The following KLRG1 variants were observed in gnomAD, a reference collection of about 807,000 sequenced individuals.
The protein encoded by KLRG1 is killer cell lectin like receptor G1.
Under a neutral mutation model 21.8 loss-of-function variants are expected in KLRG1, and 16 were observed. The observed-to-expected ratio is 0.73, with a 90% CI of 0.50 to 1.11. The LOEUF (loss-of-function observed/expected upper bound fraction) is 1.11, where lower values mean the gene tolerates loss of function less well. KLRG1 is among the 50% of genes most tolerant of loss of function. The pLI is 0.00. For synonymous variants in KLRG1, 69 were observed against 75.9 expected (o/e 0.91, Z 0.47); for missense variants, 173 against 218.3 (o/e 0.79, Z 1.31).
At chr12:8,950,381 T>A (rs753052667) in intron 1 of KLRG1, 2 of 152,238 alleles carry the variant, frequency 1.3e-5, no homozygotes, top group Non-Finnish European at 2.9e-5. Flanking sequence ...AAACGAGCAA[T>A]ACGATGGTAA....
At chr12:9,204,640 A>G in the KLRG1 span, among the ~76,000 whole-genome samples, 1 of 152,114 alleles carries the variant, frequency 6.6e-6, no homozygotes, top group South Asian at 2.1e-4. Flanking sequence ...CCTGCTACAC[A>G]CACACTACAC....
the KLRG1 span, among the ~76,000 whole-genome samples, chr12:9,137,065 G>C: frequency 6.6e-6 from 1 of 151,988 alleles, no homozygotes; most frequent in Non-Finnish European, 1.5e-5. Flanking sequence ...TGTTTTCGTT[G>C]TCTGTGATTT....
the KLRG1 span, among the ~76,000 whole-genome samples, chr12:9,158,752 C>CTTT: frequency 1.8e-4 from 18 of 97,814 alleles, no homozygotes; most frequent in South Asian, 4.0e-4. Flanking sequence ...TTTTTCTTTT[C>CTTT]TTTTCTTTTT....
At chr12:9,056,142 C>T in the KLRG1 span, among the ~76,000 whole-genome samples, 1 of 152,130 alleles carries the variant, frequency 6.6e-6, no homozygotes, top group Non-Finnish European at 1.5e-5. Context: ...TTTGCTTCAT[C>T]TGAAACACAC....
chr12:9,208,419 C>T, the KLRG1 span: 1 of 1,109,856 alleles, frequency 9.0e-7, no homozygotes. Flanking sequence ...GTTTACCAGG[C>T]TTTATGTGGC....
At chr12:9,036,467 G>A in the KLRG1 span, 1 of 164,144 alleles carries the variant, frequency 6.1e-6, no homozygotes, top group Non-Finnish European at 1.3e-5. Context: ...GGTAAAACTG[G>A]ATGTGAGAAC....
At chr12:9,192,874 CAAAT>C in the KLRG1 span, 11 of 556,820 alleles carry the variant, frequency 2.0e-5, no homozygotes, top group Non-Finnish European at 2.8e-5. Flanking sequence ...GGTCGACAGC[CAAAT>C]AAATGAATTT....
At chr12:9,017,575 T>TA in the KLRG1 span, among the ~76,000 whole-genome samples, 1 of 152,100 alleles carries the variant, frequency 6.6e-6, no homozygotes, top group Non-Finnish European at 1.5e-5. Flanking sequence ...CCTTTCATGA[T>TA]AAAAACAGTA....
the KLRG1 span, among the ~76,000 whole-genome samples, chr12:9,206,724 A>G: frequency 1.3e-5 from 2 of 152,072 alleles, no homozygotes; most frequent in East Asian, 3.9e-4. Flanking sequence ...TTATAAAGGG[A>G]GAAAACACCC....
chr12:9,135,406 G>T, the KLRG1 span: 1 of 345,724 alleles, frequency 2.9e-6, no homozygotes, highest in South Asian at 3.2e-5. Flanking sequence ...CAACCTATGA[G>T]ATGTCTGTCC....
At chr12:9,152,137 T>C in the KLRG1 span, 2 of 1,022,500 alleles carry the variant, frequency 2.0e-6, no homozygotes, top group African/African-American at 3.2e-5. Context: ...GATGTTGACA[T>C]GGTTTTGATA....
chr12:9,035,743 A>G, the KLRG1 span, among the ~76,000 whole-genome samples: 2 of 152,188 alleles, frequency 1.3e-5, no homozygotes, highest in Non-Finnish European at 2.9e-5. Context: ...ACATGGAATC[A>G]ACCTAGATGC....
chr12:9,095,860 C>T, the KLRG1 span, among the ~76,000 whole-genome samples: 2 of 147,448 alleles, frequency 1.4e-5, no homozygotes, highest in East Asian at 2.0e-4. Flanking sequence ...CCCGGGTTCA[C>T]GCCATTCTCC....
the KLRG1 span, among the ~76,000 whole-genome samples, chr12:9,086,739 ACCCAC>A: frequency 6.6e-6 from 1 of 152,342 alleles, no homozygotes; most frequent in Non-Finnish European, 1.5e-5. Context: ...AGACAAGGAT[ACCCAC>A]TGCCACCATT....
intron 3 of KLRG1, among the ~76,000 whole-genome samples, chr12:9,006,712 G>A (rs898678618): frequency 6.6e-6 from 1 of 152,130 alleles, no homozygotes; most frequent in African/African-American, 2.4e-5. Context: ...TAAAGGTGAG[G>A]ATAATAATAG....
the KLRG1 span, chr12:9,153,194 CT>C: frequency 6.2e-7 from 1 of 1,614,216 alleles, no homozygotes; most frequent in Non-Finnish European, 8.5e-7. Flanking sequence ...GCAATGAGAT[CT>C]GCTGCAGTAA....
chr12:9,138,070 A>C, the KLRG1 span, among the ~76,000 whole-genome samples: 1 of 152,016 alleles, frequency 6.6e-6, no homozygotes, highest in Admixed American at 6.5e-5. Flanking sequence ...TAAAAGTGGC[A>C]AGAGTGGGCA....
chr12:9,114,404 A>G, the KLRG1 span, among the ~76,000 whole-genome samples: 2 of 152,186 alleles, frequency 1.3e-5, no homozygotes, highest in African/African-American at 2.4e-5. Context: ...ATAGCAAAAG[A>G]TATTATTTTT....
At chr12:9,017,962 A>C in the KLRG1 span, among the ~76,000 whole-genome samples, 1 of 152,250 alleles carries the variant, frequency 6.6e-6, no homozygotes. Flanking sequence ...GCATTTCTAT[A>C]TGCCAACAGT....
Sources: gnomAD v4.1 joint callset for allele counts (sites outside exome capture counted in the v4.1 genomes callset) on GRCh38, gnomAD v4.1.1 for gene constraint, MANE v1.5 for transcripts, NCBI Gene and HGNC (gene_info 2026-07-23, HGNC 2026-07-21) for gene names.